BIN3: variants seen among roughly 807,000 people sequenced by gnomAD.
BIN3 encodes the protein bridging integrator 3.
BIN3 carries 41 observed loss-of-function variants against 38.2 expected under a neutral mutation model. The observed-to-expected ratio is 1.07, with a 90% CI of 0.84 to 1.39. The LOEUF is 1.39. Among genes scored for constraint, BIN3 ranks in the 40% most tolerant of loss-of-function variants. The probability of loss-of-function intolerance (pLI) is 0.00; values close to 1 mark genes in which losing one functional copy is unlikely to be tolerated. For missense variants in BIN3, 361 were observed against 324.3 expected (o/e 1.11, Z -0.87); for synonymous variants, 145 against 122.6 (o/e 1.18, Z -1.21).
Position 22,624,068 on chromosome 8 carries a change from G to C in BIN3, c.481-19C>G. On this transcript the variant is annotated intron_variant, in intron 7 of 8. Transcript: ENST00000276416. ...CTCGTGCCTAGGGAACAAGACCTGG[G>C]TGTCAAAACTCTCTCACTGCTGGGT... 2 of 1,584,938 alleles carry C rather than the reference G, an allele frequency of 1.3e-6. No individual in the cohort carries two copies. The highest frequency in any genetic ancestry group is 1.7e-6 in the Non-Finnish European group (2 of 1,161,592).
chr8:22,637,674 G>C (rs1054981288), intron 2 of BIN3, among the ~76,000 whole-genome samples: 1 of 152,198 alleles, frequency 6.6e-6, no homozygotes, highest in African/African-American at 2.4e-5. Context: ...CTGGTGCCTT[G>C]ACTTCACTAT....
intron 1 of BIN3, among the ~76,000 whole-genome samples, chr8:22,658,667 T>TA (rs1412448771): frequency 1.3e-5 from 2 of 152,108 alleles, no homozygotes; most frequent in Non-Finnish European, 1.5e-5. Context: ...AGAATCCTAC[T>TA]AAACATGGAT....
chr8:22,640,788 C>G (rs1023565667), intron 2 of BIN3, among the ~76,000 whole-genome samples: 1 of 151,596 alleles, frequency 6.6e-6, no homozygotes, highest in Non-Finnish European at 1.5e-5. Context: ...GGACTTGTAC[C>G]GGGAGGGACT....
intron 1 of BIN3, among the ~76,000 whole-genome samples, chr8:22,665,318 GA>G (rs1410572096): frequency 4.6e-5 from 7 of 152,114 alleles, no homozygotes; most frequent in African/African-American, 1.7e-4. Context: ...GGCAAGTCAG[GA>G]AAAGGGAAAA....
intron 1 of BIN3, among the ~76,000 whole-genome samples, chr8:22,661,120 A>G (rs534288281): frequency 2.8e-4 from 43 of 152,044 alleles, no homozygotes; most frequent in Non-Finnish European, 4.9e-4. Context: ...CCTGGACTCA[A>G]GCGATCCTCC....
chr8:22,627,420 C>T (rs556389120), intron 6 of BIN3, among the ~76,000 whole-genome samples: 17 of 152,298 alleles, frequency 1.1e-4, no homozygotes, highest in African/African-American at 3.4e-4. Context: ...GCCAAAGCCC[C>T]GGGGTGGACA....
chr8:22,658,453 C>T (rs1248446146), intron 1 of BIN3, among the ~76,000 whole-genome samples: 1 of 152,192 alleles, frequency 6.6e-6, no homozygotes, highest in Non-Finnish European at 1.5e-5. Context: ...TAAAACCTTT[C>T]CAAAAAAGCC....
chr8:22,645,603 C>T (rs918620037), intron 1 of BIN3, among the ~76,000 whole-genome samples: 1 of 134,770 alleles, frequency 7.4e-6, no homozygotes, highest in Admixed American at 6.9e-5. Context: ...GGGAAGACAC[C>T]CGCGAGGATG....
At chr8:22,635,359 G>C (rs1802334029) in intron 4 of BIN3, among the ~76,000 whole-genome samples, 1 of 152,168 alleles carries the variant, frequency 6.6e-6, no homozygotes, top group South Asian at 2.1e-4. Flanking sequence ...AGTGCTGAGA[G>C]TGCCTGGTGC....
chr8:22,648,130 G>A (rs1334268116), intron 1 of BIN3, among the ~76,000 whole-genome samples: 4 of 98,354 alleles, frequency 4.1e-5, no homozygotes, highest in Admixed American at 2.7e-4. Flanking sequence ...GTGAGACTCC[G>A]TCTCTCAAAA....
chr8:22,630,984 A>G lies in BIN3; in HGVS notation c.161-406T>C, dbSNP rs755918090. 1.2e-4 allele frequency among the ~76,000 whole-genome samples: 19 copies of G among 152,336 alleles called. 1 individual carries two copies. The South Asian group carries it at 1.9e-3, about 15-fold the overall frequency. On this transcript the variant is annotated intron_variant, in intron 4 of 8. Coordinates refer to ENST00000276416, the MANE Select transcript of BIN3 (RefSeq NM_018688.6). ...GTTTGGGACTCCTGGATGGACAAGA[A>G]TAACAGTACTCCAGTTTACACATGC...
chr8:22,636,431 C>T (rs13249628), intron 4 of BIN3, 94 bp downstream of exon 4: 2 of 1,324,656 alleles, frequency 1.5e-6, no homozygotes, highest in Admixed American at 2.0e-5. Flanking sequence ...CCTCTGAGCG[C>T]AGCAACTTCA....
At chr8:22,664,134 T>C (rs1803335751) in intron 1 of BIN3, among the ~76,000 whole-genome samples, 2 of 152,180 alleles carry the variant, frequency 1.3e-5, no homozygotes, top group African/African-American at 4.8e-5. Context: ...AATCATGAGT[T>C]TGGGAAAACA....
chr8:22,641,525 C>T (rs767637706), intron 2 of BIN3, among the ~76,000 whole-genome samples: 4 of 152,186 alleles, frequency 2.6e-5, no homozygotes, highest in Non-Finnish European at 2.9e-5. Flanking sequence ...TGCATCTGAT[C>T]GGAGTCTGAG....
rs144088722 is a variant in BIN3, at chr8:22,635,583, C to T, written c.160+942G>A. On this transcript the variant is annotated intron_variant, in intron 4 of 8. Transcript: ENST00000276416. ...GGAGCGGACACCCCGAGAGCTGACC[C>T]GTGCCAGGCCCTGTTCTCAGTGCTT... Among the ~76,000 whole-genome samples, 50 of 152,196 alleles carry T rather than the reference C, an allele frequency of 3.3e-4. 1 individual carries two copies. In the East Asian group the frequency reaches 8.1e-3, roughly 25 times the overall value.
At position 22,621,491 on chromosome 8, in the gene BIN3, C is replaced by T; in HGVS notation, c.693G>A (p.Glu231=). ...TGGCCTCGTTCTCCCGCTCCCGCTGCTCATCGGAGTGGCCTGGCTGGTCAA... is the reference window on the plus strand; with the variant it reads ...TGGCCTCGTTCTCCCGCTCCCGCTGTTCATCGGAGTGGCCTGGCTGGTCAA... ...HQLDQPGHSD[E]QRERENEAKL... is the part of the protein sequence containing the mutation. The change falls in exon 9 of 9, where the codon GAG becomes GAA. Residue 231 remains glutamate, a synonymous_variant. Transcript: ENST00000276416. The T allele has an allele frequency of 6.2e-7, 1 of 1,613,966 alleles. No homozygotes were observed. Among genetic ancestry groups the T allele is most frequent in the Non-Finnish European group, 8.5e-7 (1 of 1,179,894 alleles).
rs1049271253 is a variant in BIN3, at chr8:22,654,482, A to T, written c.9-9679T>A. Among the ~76,000 whole-genome samples, 5 of 152,172 alleles carry T rather than the reference A, an allele frequency of 3.3e-5. No individual in the cohort carries two copies. In the East Asian group the frequency reaches 9.6e-4, roughly 29 times the overall value. On this transcript the variant is annotated intron_variant, in intron 1 of 8. Coordinates refer to ENST00000276416, the MANE Select transcript of BIN3 (RefSeq NM_018688.6). ...ACCAAAAAGAAACCCCACACCTATT[A>T]GCAAACAACTCCCCTCCTCCAGCCC...
In BIN3 at chr8:22,621,200, G is replaced by C; in HGVS notation, c.*222C>G. 1.7e-6 allele frequency: 1 copy of C among 590,408 alleles called. No individual in the cohort carries two copies. The highest frequency in any genetic ancestry group is 2.1e-5 in the South Asian group (1 of 47,982). The allele number at this position is 590,408 out of a possible 1,614,324, so 36.6% of individuals were successfully genotyped here. On this transcript the variant is annotated 3_prime_UTR_variant, in exon 9 of 9. Coordinates refer to ENST00000276416, the MANE Select transcript of BIN3 (RefSeq NM_018688.6). ...TTCTCCAAATAAAAAAGCCCCAAGGGTTTGTCTACACTGCTTACCTGCTGG... is the reference window on the plus strand; with the variant it reads ...TTCTCCAAATAAAAAAGCCCCAAGGCTTTGTCTACACTGCTTACCTGCTGG...
intron 5 of BIN3, 120 bp downstream of exon 5, chr8:22,630,322 C>T (rs1802150767): frequency 1.4e-6 from 2 of 1,396,232 alleles, no homozygotes; most frequent in African/African-American, 2.9e-5. Flanking sequence ...GCACACGAGG[C>T]CAGAGGGCTT....
Sources: allele counts gnomAD v4.1 joint callset (sites outside exome capture counted in the v4.1 genomes callset), GRCh38; gene constraint gnomAD v4.1.1; transcripts MANE v1.5; gene names NCBI Gene and HGNC (gene_info 2026-07-23, HGNC 2026-07-21).